DNAH12: variants seen among roughly 807,000 people sequenced by gnomAD.
DNAH12 encodes axonemal beta dynein heavy chain 12.
A neutral mutation model predicts 371.5 loss-of-function variants in DNAH12; 285 were observed. The observed-to-expected ratio is 0.77, with a 90% CI of 0.70 to 0.85. The LOEUF is 0.85. DNAH12 is among the 40% of genes least tolerant of loss of function. The pLI, the probability that DNAH12 is intolerant of heterozygous loss-of-function variation, is 0.00. For missense variants in DNAH12, 3,611 were observed against 3,689.4 expected, an observed-to-expected ratio of 0.98 and a Z score of 0.55; for synonymous variants, 1,200 against 1,213.0, an observed-to-expected ratio of 0.99 and a Z score of 0.22.
intron 8 of DNAH12, among the ~76,000 whole-genome samples, chr3:57,506,233 T>G (rs2067754301): frequency 6.6e-6 from 1 of 151,668 alleles, no homozygotes; most frequent in African/African-American, 2.4e-5. Flanking sequence ...GCACATGGAG[T>G]GAGGTACAGT....
chr3:57,366,528 C>G (rs998559527), intron 57 of DNAH12, among the ~76,000 whole-genome samples: 1 of 152,270 alleles, frequency 6.6e-6, no homozygotes, highest in Admixed American at 6.5e-5. Context: ...CTGAACCCAA[C>G]TGCCCATACT....
chr3:57,309,667 T>A lies in DNAH12; in HGVS notation c.11084A>T (p.Lys3695Met). The A allele has an allele frequency of 6.6e-7, 1 of 1,509,144 alleles. No homozygotes were observed. The highest frequency in any genetic ancestry group is 8.8e-7 in the Non-Finnish European group (1 of 1,131,634). 93.5% of individuals were successfully genotyped at this position (1,509,144 alleles called of 1,614,324 possible). A position where few individuals can be genotyped will look rare whatever the true frequency, so the allele number is the denominator to read the frequency against. The change falls in exon 68 of 74, where the codon AAG becomes ATG. Residue 3695 changes from lysine (K) to methionine (M), a missense_variant and splice_region_variant. By Grantham distance (95) the Lys-to-Met change is moderately conservative. Transcript: ENST00000495027. The part of the protein sequence containing the change: ...LLEITKDILN[K>M]LPSDFDIEMA... ...AACATATTTTAAGCTGAACATTACC[T>A]TGTTGAGGATATCTTTGGTAATTTC...
intron 32 of DNAH12, among the ~76,000 whole-genome samples, chr3:57,431,868 G>T (rs550870022): frequency 6.6e-6 from 1 of 152,144 alleles, no homozygotes; most frequent in African/African-American, 2.4e-5. Flanking sequence ...CCTCAATTTT[G>T]CAAAGAACCA....
At chr3:57,532,575 T>G (rs756159221) in intron 2 of DNAH12, among the ~76,000 whole-genome samples, 4 of 152,240 alleles carry the variant, frequency 2.6e-5, no homozygotes, top group Non-Finnish European at 4.4e-5. Context: ...TCATGGTTCT[T>G]GCAGACTCAT....
In DNAH12 at chr3:57,457,939, C is replaced by T. The variant is rs1332107463; in HGVS notation, c.3118G>A (p.Val1040Ile). The T allele has an allele frequency of 1.2e-5, 19 of 1,551,472 alleles. No individual in the cohort carries two copies. In the African/African-American group the frequency reaches 1.9e-4, roughly 16 times the overall value. The change falls in exon 22 of 74, where the codon GTT (valine) becomes ATT (isoleucine). Residue 1040 changes from valine (V) to isoleucine (I), a missense_variant. Around this residue, in one of 3 missense-constraint regions of DNAH12, gnomAD observed 1,314 missense variants for 1,398.7 expected, o/e 0.94. Transcript: ENST00000495027. ...AAGCATTTTTTTAAATGTGGCTGAA[C>T]TCTAAGTGGATCTTTGGTCTCTGAT... is the stretch of plus-strand genomic sequence containing the variant. ...ILSETKDPLR[V>I]QPHLKKCFEG... is the part of the protein sequence containing the mutation.
intron 13 of DNAH12, among the ~76,000 whole-genome samples, chr3:57,482,229 AAAAC>A (rs2153383553): frequency 6.6e-6 from 1 of 152,310 alleles, no homozygotes; most frequent in East Asian, 1.9e-4. Context: ...TTACAAGAAA[AAAAC>A]AAACAACCCC....
intron 35 of DNAH12, among the ~76,000 whole-genome samples, chr3:57,422,800 A>G (rs4681731): frequency 0.23 from 35,583 of 152,144 alleles, 4,815 homozygotes; most frequent in South Asian, 0.44. Flanking sequence ...CAAAAGATCA[A>G]AAGCAACCCA....
intron 69 of DNAH12, among the ~76,000 whole-genome samples, chr3:57,304,079 GAAC>G (rs1357415946): frequency 4.2e-5 from 6 of 141,306 alleles, no homozygotes; most frequent in South Asian, 4.5e-4. Context: ...GCCCGCCAGA[GAAC>G]AACCCCCCTT....
chr3:57,499,728 A>G, intron 11 of DNAH12, among the ~76,000 whole-genome samples: 1 of 138,078 alleles, frequency 7.2e-6, no homozygotes, highest in East Asian at 2.1e-4. Flanking sequence ...AGTCTCAGCT[A>G]CTCGGGAGGC....
In DNAH12 at chr3:57,374,295, C is replaced by T. The variant is rs898715234; in HGVS notation, c.8759+1076G>A. 3.3e-5 allele frequency among the ~76,000 whole-genome samples: 5 copies of T among 152,124 alleles called. No individual in the cohort carries two copies. The East Asian group carries it at 5.8e-4, about 18-fold the overall frequency. On this transcript the variant is annotated intron_variant, in intron 55 of 73. Transcript: ENST00000495027. Reference sequence around the variant, plus strand: ...CACAGGATGTTGTGAAGATGTAGGGCACTTAGACTAGTATCTGATAAATCT... The same window carrying T: ...CACAGGATGTTGTGAAGATGTAGGGTACTTAGACTAGTATCTGATAAATCT...
intron 20 of DNAH12, 65 bp downstream of exon 20, chr3:57,459,527 C>T (rs2065994319): frequency 7.8e-7 from 1 of 1,289,704 alleles, no homozygotes; most frequent in Admixed American, 3.5e-5. Context: ...AAAAAAGTCA[C>T]ATGTTTTACT....
chr3:57,410,888 A>C (rs2064180461), intron 39 of DNAH12, among the ~76,000 whole-genome samples: 1 of 152,092 alleles, frequency 6.6e-6, no homozygotes, highest in African/African-American at 2.4e-5. Context: ...TTGGTAAGGA[A>C]TATCTACAAA....
intron 65 of DNAH12, among the ~76,000 whole-genome samples, chr3:57,317,498 C>T (rs1686780886): frequency 6.6e-6 from 1 of 152,128 alleles, no homozygotes; most frequent in South Asian, 2.1e-4. Flanking sequence ...GCTTAGTTCA[C>T]TTAGGATAAT....
At chr3:57,436,926 T>C in intron 30 of DNAH12, 25 bp downstream of exon 30, 1 of 1,322,520 alleles carries the variant, frequency 7.6e-7, no homozygotes. Flanking sequence ...AAATAACATC[T>C]AACTATAGCA....
intron 13 of DNAH12, 31 bp downstream of exon 13, chr3:57,483,345 A>G: frequency 6.5e-7 from 1 of 1,537,386 alleles, no homozygotes; most frequent in Non-Finnish European, 8.7e-7. Flanking sequence ...CAATGAAAAC[A>G]AACCAAAATA....
chr3:57,316,662 A>G (rs2061692053), intron 65 of DNAH12, among the ~76,000 whole-genome samples: 1 of 152,076 alleles, frequency 6.6e-6, no homozygotes, highest in Non-Finnish European at 1.5e-5. Context: ...CTGCGTGTTG[A>G]GGGAGGGAGG....
chr3:57,475,325 GAAGA>G (rs1405502357), intron 13 of DNAH12, among the ~76,000 whole-genome samples: 1 of 151,836 alleles, frequency 6.6e-6, no homozygotes. Flanking sequence ...TCTCCAACAG[GAAGA>G]AAGAAAGAGA....
At chr3:57,511,675 G>C (rs946944090) in intron 4 of DNAH12, among the ~76,000 whole-genome samples, 6 of 152,282 alleles carry the variant, frequency 3.9e-5, no homozygotes, top group Non-Finnish European at 8.8e-5. Flanking sequence ...CTAGCCCTAG[G>C]AGACATTAGA....
At chr3:57,388,410 C>G (rs1458993484) in intron 45 of DNAH12, among the ~76,000 whole-genome samples, 1 of 151,990 alleles carries the variant, frequency 6.6e-6, no homozygotes, top group African/African-American at 2.4e-5. Flanking sequence ...CAATAATATG[C>G]TTATAATTTT....
Sources: gnomAD v4.1 joint callset for allele counts (sites outside exome capture counted in the v4.1 genomes callset) on GRCh38, gnomAD v4.1.1 for gene constraint, gnomAD v4.1.1 regional missense constraint, MANE v1.5 for transcripts, NCBI Gene and HGNC (gene_info 2026-07-23, HGNC 2026-07-21) for gene names.